The following PLPPR5 variants were observed in gnomAD, a reference collection of about 807,000 sequenced individuals.
PLPPR5 encodes the protein phospholipid phosphatase related 5.
In PLPPR5, 16 loss-of-function variants were observed where a neutral mutation model predicts 33.9. That is an observed-to-expected ratio of 0.47 (90% CI 0.32 to 0.72). The LOEUF (loss-of-function observed/expected upper bound fraction) is 0.72. Ranked by LOEUF, PLPPR5 falls within the 30% of genes least tolerant of loss-of-function variation. The pLI is 0.03. For missense variants in PLPPR5, 301 were observed against 406.7 expected (o/e 0.74, Z 2.23); for synonymous variants, 163 against 150.3 (o/e 1.08, Z -0.62).
intron 5 of PLPPR5, among the ~76,000 whole-genome samples, chr1:98,906,548 A>G (rs533782482): frequency 6.6e-6 from 1 of 152,194 alleles, no homozygotes; most frequent in Admixed American, 6.6e-5. Context: ...ACAGCTCTAC[A>G]TGTTTCTGAT....
intron 3 of PLPPR5, among the ~76,000 whole-genome samples, chr1:98,934,301 TG>T (rs1650099104): frequency 6.6e-6 from 1 of 152,246 alleles, no homozygotes; most frequent in African/African-American, 2.4e-5. Context: ...TTGTCATCCC[TG>T]GGCAAAACAC....
intron 1 of PLPPR5, among the ~76,000 whole-genome samples, chr1:99,000,565 A>T (rs980427672): frequency 2.3e-5 from 3 of 129,450 alleles, no homozygotes; most frequent in African/African-American, 8.4e-5. Flanking sequence ...GCTGCCTCCA[A>T]GGGGTTGTTC....
At chr1:98,977,592 G>A (rs1445641729) in intron 1 of PLPPR5, among the ~76,000 whole-genome samples, 1 of 149,880 alleles carries the variant, frequency 6.7e-6, no homozygotes, top group Non-Finnish European at 1.5e-5. Context: ...ATTGACACAA[G>A]TTATTTGAAG....
At chr1:98,929,230 GAAGTGT>G (rs1557672687) in intron 3 of PLPPR5, among the ~76,000 whole-genome samples, 1 of 152,142 alleles carries the variant, frequency 6.6e-6, no homozygotes, top group African/African-American at 2.4e-5. Flanking sequence ...AATCACATAA[GAAGTGT>G]AAGTTTCATT....
At chr1:98,905,983 T>C (rs1039172274) in intron 5 of PLPPR5, among the ~76,000 whole-genome samples, 1 of 152,028 alleles carries the variant, frequency 6.6e-6, no homozygotes, top group Non-Finnish European at 1.5e-5. Context: ...TTGCATCCAA[T>C]GTTATGCAGA....
chr1:98,970,982 T>A (rs778611644), intron 1 of PLPPR5, among the ~76,000 whole-genome samples: 1 of 152,130 alleles, frequency 6.6e-6, no homozygotes, highest in Non-Finnish European at 1.5e-5. Flanking sequence ...CTTTTCTGCA[T>A]AAAGCGTAAA....
chr1:98,895,009 C>T (rs766515082), intron 5 of PLPPR5, among the ~76,000 whole-genome samples: 7 of 151,998 alleles, frequency 4.6e-5, no homozygotes, highest in Non-Finnish European at 7.4e-5. Context: ...GAAAAGGGTG[C>T]TAATACAACA....
chr1:98,973,088 A>G (rs1197807036), intron 1 of PLPPR5, among the ~76,000 whole-genome samples: 1 of 152,072 alleles, frequency 6.6e-6, no homozygotes, highest in Non-Finnish European at 1.5e-5. Flanking sequence ...ATATTGAATT[A>G]GTCATTTCTG....
At chr1:98,915,673 C>T (rs1649318835) in intron 4 of PLPPR5, among the ~76,000 whole-genome samples, 1 of 152,068 alleles carries the variant, frequency 6.6e-6, no homozygotes, top group Non-Finnish European at 1.5e-5. Context: ...AGAATTTGAA[C>T]TAAACCAGAG....
chr1:98,953,121 G>C lies in PLPPR5; in HGVS notation c.570C>G (p.Thr190=). ...NPDLIMRARK[T]FPSKEAALSV... ...TGAGAGCTGCTTCTTTGGATGGAAA[G>C]GTTTTTCGGGCTCTCATGATGAGAT... The change falls in exon 3 of 6, where the codon ACC becomes ACG. Residue 190 remains threonine (T), a synonymous_variant. Coordinates refer to ENST00000263177, the MANE Select transcript of PLPPR5 (RefSeq NM_001037317.2). 1 of 1,614,070 alleles carries C rather than the reference G, an allele frequency of 6.2e-7. No individual in the cohort carries two copies. Among genetic ancestry groups the C allele is most frequent in the Admixed American group, 1.7e-5 (1 of 60,018 alleles).
intron 1 of PLPPR5, among the ~76,000 whole-genome samples, chr1:98,988,178 T>C (rs1320871130): frequency 2.0e-5 from 3 of 152,082 alleles, no homozygotes; most frequent in Non-Finnish European, 2.9e-5. Context: ...TTGATTTGAC[T>C]TCCCAGCCTT....
chr1:98,900,627 T>C (rs538625237), intron 5 of PLPPR5, among the ~76,000 whole-genome samples: 3 of 152,320 alleles, frequency 2.0e-5, no homozygotes, highest in East Asian at 3.9e-4. Flanking sequence ...CTTTAACCTA[T>C]AAAATTGGCT....
chr1:98,930,925 G>A (rs1439632827), intron 3 of PLPPR5, among the ~76,000 whole-genome samples: 1 of 152,156 alleles, frequency 6.6e-6, no homozygotes, highest in African/African-American at 2.4e-5. Context: ...TCAAGAAGGA[G>A]GAAGGTGATG....
At chr1:98,963,168 G>A (rs1425991928) in intron 1 of PLPPR5, among the ~76,000 whole-genome samples, 1 of 152,148 alleles carries the variant, frequency 6.6e-6, no homozygotes, top group Non-Finnish European at 1.5e-5. Context: ...CTTGGTCCAT[G>A]GCTTAGTATA....
intron 3 of PLPPR5, among the ~76,000 whole-genome samples, chr1:98,951,520 C>T (rs1235600232): frequency 6.6e-6 from 1 of 152,130 alleles, no homozygotes; most frequent in Non-Finnish European, 1.5e-5. Context: ...TCCTTGACTC[C>T]ATAAAAAGTT....
chr1:98,978,027 G>T (rs554687111), intron 1 of PLPPR5, among the ~76,000 whole-genome samples: 2 of 151,950 alleles, frequency 1.3e-5, no homozygotes, highest in Non-Finnish European at 2.9e-5. Context: ...TTAGATAAAA[G>T]TCGTAAAATC....
chr1:98,956,692 T>C lies in PLPPR5; in HGVS notation c.287A>G (p.Asp96Gly), dbSNP rs779124586. 2.5e-6 allele frequency: 4 copies of C among 1,600,490 alleles called. No homozygotes were observed. In the Admixed American group the frequency reaches 7.0e-5, roughly 28 times the overall value. The change falls in exon 2 of 6, where the codon GAT becomes GGT. Residue 96 changes from aspartate to glycine, a missense_variant. Asp to Gly is a moderately conservative substitution (Grantham distance 94, BLOSUM62 -1). Transcript: ENST00000263177. Reference protein sequence around the residue: ...AVFCLQLATRDFENQEKTILT... With the variant: ...AVFCLQLATRGFENQEKTILT... Reference sequence around the variant, plus strand: ...AATAGTTTTTTCCTGGTTTTCAAAATCCCTTGTGGCTAGTTGTAGGCAAAA... The same window carrying C: ...AATAGTTTTTTCCTGGTTTTCAAAACCCCTTGTGGCTAGTTGTAGGCAAAA...
chr1:98,994,107 C>T (rs1220663555), intron 1 of PLPPR5, among the ~76,000 whole-genome samples: 2 of 151,904 alleles, frequency 1.3e-5, no homozygotes, highest in African/African-American at 2.4e-5. Flanking sequence ...AGTCACTTAA[C>T]CTCTTTAAGC....
At chr1:98,947,560 A>AAGAT (rs1427389371) in intron 3 of PLPPR5, among the ~76,000 whole-genome samples, 1 of 152,234 alleles carries the variant, frequency 6.6e-6, no homozygotes, top group African/African-American at 2.4e-5. Flanking sequence ...ATCTGGGCCT[A>AAGAT]AGATACAATG....
Sources: allele counts gnomAD v4.1 joint callset (sites outside exome capture counted in the v4.1 genomes callset), GRCh38; gene constraint gnomAD v4.1.1; transcripts MANE v1.5; gene names NCBI Gene and HGNC (gene_info 2026-07-23, HGNC 2026-07-21).